Variants in WTIP observed in about 807,000 individuals in gnomAD.
The protein encoded by WTIP is Wilms tumor protein 1-interacting protein.
WTIP carries 23 observed loss-of-function variants against 41.7 expected under a neutral mutation model. The ratio of observed to expected loss-of-function variants is 0.55; its 90% confidence interval spans 0.40 to 0.78. WTIP has a LOEUF of 0.78. WTIP is among the 30% of genes least tolerant of loss of function. The pLI, the probability that WTIP is intolerant of heterozygous loss-of-function variation, is 0.00. For synonymous variants in WTIP, 314 were observed against 269.9 expected (o/e 1.16, Z -1.60); for missense variants, 619 against 610.5 (o/e 1.01, Z -0.15).
At chr19:34,483,863 T>C (rs1017794675) in intron 1 of WTIP, among the ~76,000 whole-genome samples, 26 of 151,822 alleles carry the variant, frequency 1.7e-4, no homozygotes, top group South Asian at 4.2e-4. Context: ...TCCTGGGGTT[T>C]GTGTCTTTGA....
At position 34,482,450 on chromosome 19, in the gene WTIP, TCCTC is replaced by T. The variant is rs2075772718; in HGVS notation, c.479_482del (p.Leu160ArgfsTer140). ...GGCTCGGCCGGCGCCTACGCTGACT[TCCTC>T]CCGCCCGGCGCCTGCCCCGCGCCCG... On this transcript the variant is annotated frameshift_variant, in exon 1 of 8. Coordinates refer to ENST00000590071, the MANE Select transcript of WTIP (RefSeq NM_001080436.2). LOFTEE classifies it high-confidence loss of function. 7.7e-7 allele frequency: 1 copy of T among 1,299,920 alleles called. No homozygotes were observed. Among genetic ancestry groups the T allele is most frequent in the Non-Finnish European group, 9.8e-7 (1 of 1,025,012 alleles). The allele number at this position is 1,299,920 out of a possible 1,614,324, so 80.5% of individuals were successfully genotyped here.
At chr19:34,492,489 TA>T (rs199526857) in intron 2 of WTIP, among the ~76,000 whole-genome samples, 233 of 140,878 alleles carry the variant, frequency 1.7e-3, no homozygotes, top group African/African-American at 3.0e-3. Flanking sequence ...GACCCTGTCT[TA>T]AAAAAAAAAA....
Position 34,494,634 on chromosome 19 carries a change from A to C in WTIP, c.1080A>C (p.Ala360=), listed in dbSNP as rs1186093084. Residue 360 remains alanine, a synonymous_variant, in exon 6 of 8, where the codon GCA becomes GCC. Coordinates refer to ENST00000590071, the MANE Select transcript of WTIP (RefSeq NM_001080436.2). ...CCTGTGCCCGTCCTATCCTCCCTGC[A>C]CAGGTAGGAGCCACTCACCCAGAGA... ...CASCARPILP[A]QGCETTIRVV... 1 of 1,613,246 alleles carries C rather than the reference A, an allele frequency of 6.2e-7. No homozygotes were observed. Among genetic ancestry groups the C allele is most frequent in the South Asian group, 1.1e-5 (1 of 90,952 alleles).
At chr19:34,488,414 G>A (rs868786193) in intron 1 of WTIP, among the ~76,000 whole-genome samples, 6 of 151,680 alleles carry the variant, frequency 4.0e-5, no homozygotes, top group African/African-American at 9.7e-5. Context: ...TACCCAGGCC[G>A]GAGTGCAGTG....
intron 1 of WTIP, 124 bp from the exon 2 acceptor site, chr19:34,490,252 T>C (rs1272625446): frequency 1.3e-6 from 1 of 789,024 alleles, no homozygotes; most frequent in East Asian, 2.7e-5. Context: ...AATCGAGTGA[T>C]GTTGGCCTAG....
rs985329571 is a variant in WTIP, at chr19:34,482,523, T to C, written c.549T>C (p.Pro183=). The change falls in exon 1 of 8, where the codon CCT becomes CCC. Residue 183 remains proline (P), a synonymous_variant. Coordinates refer to ENST00000590071, the MANE Select transcript of WTIP (RefSeq NM_001080436.2). The part of the protein sequence containing the change: ...EPAGPAPFPL[P]ALPLPPGREG... ...CGGGGCCGGCTCCCTTCCCGCTGCC[T>C]GCACTCCCGCTGCCCCCTGGCCGGG... 534 of 1,230,368 alleles carry C rather than the reference T, an allele frequency of 4.3e-4. 1 individual carries two copies. The highest frequency in any genetic ancestry group is 5.2e-4 in the Non-Finnish European group (514 of 988,262). The allele number at this position is 1,230,368 out of a possible 1,614,324, so 76.2% of individuals were successfully genotyped here.
intron 1 of WTIP, among the ~76,000 whole-genome samples, chr19:34,485,263 A>G (rs1217287192): frequency 6.6e-6 from 1 of 152,032 alleles, no homozygotes; most frequent in Non-Finnish European, 1.5e-5. Flanking sequence ...TTGTATTTTT[A>G]GTAGAGATGA....
At chr19:34,494,521 C>T in intron 5 of WTIP, 65 bp from the exon 6 acceptor site, 2 of 1,544,606 alleles carry the variant, frequency 1.3e-6, no homozygotes, top group Non-Finnish European at 1.8e-6. Flanking sequence ...GTGGGTGCCC[C>T]TGTGCTTGTG....
rs1403909074 is a variant in WTIP at position 34,501,964 on chromosome 19, T to C, written c.*1695T>C. On this transcript the variant is annotated 3_prime_UTR_variant, in exon 8 of 8. Transcript: ENST00000590071. ...GCTGCTTTTTCTTTTCTTTTCTTTT[T>C]TTTTTTTTGAGACGGAGTGTCATTG... 7.4e-4 allele frequency: 101 copies of C among 136,080 alleles called. 1 individual carries two copies. Among genetic ancestry groups the C allele is most frequent in the Non-Finnish European group, 7.1e-4 (48 of 67,454 alleles). The allele number at this position is 136,080 out of a possible 1,614,324, so 8.4% of individuals were successfully genotyped here.
At chr19:34,495,595 C>CGT in intron 6 of WTIP, 108 bp from the exon 7 acceptor site, 1 of 1,254,652 alleles carries the variant, frequency 8.0e-7, no homozygotes, top group Non-Finnish European at 1.1e-6. Flanking sequence ...CCGGGGCGGG[C>CGT]GTGCACCTCC....
At chr19:34,495,633 G>A (rs1191448837) in intron 6 of WTIP, 70 bp from the exon 7 acceptor site, 3 of 1,548,918 alleles carry the variant, frequency 1.9e-6, no homozygotes, top group Non-Finnish European at 1.8e-6. Context: ...GTGTGTGGGA[G>A]TGTACACTCA....
rs551784009 is a variant in WTIP, at chr19:34,490,508, T to G, written c.769+31T>G. The G allele has an allele frequency of 4.1e-5, 65 of 1,597,682 alleles. No homozygotes were observed. In the South Asian group the frequency reaches 6.8e-4, roughly 17 times the overall value. On this transcript the variant is annotated intron_variant, in intron 2 of 7. Coordinates refer to ENST00000590071, the MANE Select transcript of WTIP (RefSeq NM_001080436.2). ...TAACCTCGTGCCCTGGGTAGCTCTG[T>G]GAAGGGGACCTGCCACATCATCCCC...
Position 34,481,759 on chromosome 19 carries a change from A to G in WTIP, c.-216A>G, listed in dbSNP as rs974248385. Reference sequence around the variant, plus strand: ...CGCGGCCCGGCGCCTGGGAGCTTACATTCCTCCGCCGCGCGCGCCGCCGAG... The same window carrying G: ...CGCGGCCCGGCGCCTGGGAGCTTACGTTCCTCCGCCGCGCGCGCCGCCGAG... On this transcript the variant is annotated 5_prime_UTR_variant, in exon 1 of 8. Transcript: ENST00000590071. 2 of 206,502 alleles carry G rather than the reference A, an allele frequency of 9.7e-6. No individual in the cohort carries two copies. Among genetic ancestry groups the G allele is most frequent in the Non-Finnish European group, 1.9e-5 (2 of 104,814 alleles). The allele number at this position is 206,502 out of a possible 1,614,324, so 12.8% of individuals were successfully genotyped here.
At chr19:34,490,723 C>T (rs896405102) in intron 2 of WTIP, among the ~76,000 whole-genome samples, 2 of 152,234 alleles carry the variant, frequency 1.3e-5, no homozygotes, top group Admixed American at 6.5e-5. Flanking sequence ...GGCACTAATG[C>T]GCTCATGTCA....
At position 34,482,087 on chromosome 19, in the gene WTIP, G is replaced by A. The variant is rs2075769830; in HGVS notation, c.113G>A (p.Arg38Gln). The change falls in exon 1 of 8, where the codon CGG (arginine) becomes CAG (glutamine). Residue 38 changes from arginine (R) to glutamine (Q), a missense_variant. Physicochemically the swap from Arg to Gln is conservative, Grantham distance 43. Coordinates refer to ENST00000590071, the MANE Select transcript of WTIP (RefSeq NM_001080436.2). The part of the protein sequence containing the change: ...GSPGRGRRGP[R>Q]PGPGDEAAPA... ...CCCGGTCGGGGGCGGCGGGGGCCGC[G>A]GCCTGGGCCTGGAGACGAGGCGGCG... The A allele has an allele frequency of 3.9e-6, 4 of 1,038,732 alleles. No individual in the cohort carries two copies. The highest frequency in any genetic ancestry group is 8.0e-5 in the East Asian group (1 of 12,458). 64.3% of individuals were successfully genotyped at this position (1,038,732 alleles called of 1,614,324 possible). A position where few individuals can be genotyped will look rare whatever the true frequency, so the allele number is the denominator to read the frequency against.
At chr19:34,499,929 C>A (rs1389333623) in intron 7 of WTIP, among the ~76,000 whole-genome samples, 200 bp from the exon 8 acceptor site, 1 of 152,076 alleles carries the variant, frequency 6.6e-6, no homozygotes. Context: ...GAACTCCTGA[C>A]CGAAGCGATG....
chr19:34,499,947 C>T (rs1261964751), intron 7 of WTIP, among the ~76,000 whole-genome samples, 182 bp from the exon 8 acceptor site: 2 of 152,060 alleles, frequency 1.3e-5, no homozygotes, highest in East Asian at 1.9e-4. Flanking sequence ...ATGATCCAGC[C>T]GCCTCAGCCT....
At position 34,501,944 on chromosome 19, in the gene WTIP, TTTTTC is replaced by T. The variant is rs74177158; in HGVS notation, c.*1690_*1694del. On this transcript the variant is annotated 3_prime_UTR_variant, in exon 8 of 8. Coordinates refer to ENST00000590071, the MANE Select transcript of WTIP (RefSeq NM_001080436.2). ...GGCTCTCTCCTGCTAGCTGAGCTGC[TTTTTC>T]TTTTCTTTTCTTTTTTTTTTTTTGA... The T allele has an allele frequency of 0.2, 30,536 of 151,204 alleles. 3,214 individuals carry two copies. The highest frequency in any genetic ancestry group is 0.42 in the East Asian group (2,105 of 5,052). 9.4% of individuals were successfully genotyped at this position (151,204 alleles called of 1,614,324 possible).
intron 2 of WTIP, 133 bp from the exon 3 acceptor site, chr19:34,492,904 T>A: frequency 3.9e-6 from 3 of 776,816 alleles, no homozygotes; most frequent in Admixed American, 2.5e-5. Context: ...CAACATAATA[T>A]TAAAGGGAAA....
Sources: allele counts gnomAD v4.1 joint callset (sites outside exome capture counted in the v4.1 genomes callset), GRCh38; gene constraint gnomAD v4.1.1; transcripts MANE v1.5; gene names NCBI Gene and HGNC (gene_info 2026-07-23, HGNC 2026-07-21).